The following NBAS variants were observed in gnomAD, a reference collection of about 807,000 sequenced individuals.
NBAS encodes NAG/BC035112 fusion.
NBAS carries 219 observed loss-of-function variants against 302.5 expected under a neutral mutation model. The ratio of observed to expected loss-of-function variants is 0.72; its 90% confidence interval spans 0.65 to 0.81. NBAS has a LOEUF of 0.81. Ranked by LOEUF, NBAS falls within the 30% of genes least tolerant of loss-of-function variation. The probability of loss-of-function intolerance (pLI) is 0.00; values close to 1 mark genes in which losing one functional copy is unlikely to be tolerated. For synonymous variants in NBAS, 1,118 were observed against 1,021.6 expected (o/e 1.09, Z -1.80); for missense variants, 2,932 against 2,841.6 (o/e 1.03, Z -0.72).
At chr2:15,436,342 T>C (rs757027049) in intron 21 of NBAS, among the ~76,000 whole-genome samples, 17 of 152,198 alleles carry the variant, frequency 1.1e-4, no homozygotes, top group Admixed American at 8.5e-4. Flanking sequence ...GAGGGTACTT[T>C]ATACTCCCAG....
chr2:15,098,296 A>ATTATATATTGTATATAATATAT, the NBAS span, among the ~76,000 whole-genome samples: 39 of 9,600 alleles, frequency 4.1e-3, 14 homozygotes, highest in South Asian at 0.031. Flanking sequence ...TATATTATAT[A>ATTATATATTGTATATAATATAT]CAATATATAA....
the NBAS span, among the ~76,000 whole-genome samples, chr2:15,022,164 G>C: frequency 6.6e-6 from 1 of 152,116 alleles, no homozygotes; most frequent in African/African-American, 2.4e-5. Context: ...GGCAGATAAG[G>C]GTGAGGCAGC....
the NBAS span, among the ~76,000 whole-genome samples, chr2:14,793,764 T>C: frequency 6.6e-6 from 1 of 152,046 alleles, no homozygotes; most frequent in Admixed American, 6.6e-5. Context: ...TATACCAAAA[T>C]ATAATTAAAC....
At chr2:15,287,323 A>C in intron 41 of NBAS, 140 bp from the exon 42 acceptor site, 1 of 708,060 alleles carries the variant, frequency 1.4e-6, no homozygotes. Flanking sequence ...GTTCACAGTG[A>C]TCCAGGAAAA....
intron 9 of NBAS, among the ~76,000 whole-genome samples, chr2:15,520,603 C>T (rs1023757108): frequency 7.3e-5 from 11 of 149,802 alleles, no homozygotes; most frequent in South Asian, 6.3e-4. Flanking sequence ...TAACTTATGT[C>T]AGAGCATAAA....
intron 26 of NBAS, among the ~76,000 whole-genome samples, chr2:15,401,139 TA>T (rs371967680): frequency 4.4e-4 from 65 of 146,326 alleles, no homozygotes; most frequent in Non-Finnish European, 4.2e-4. Context: ...CTTTGAAACT[TA>T]AAAAAAAAAA....
the NBAS span, among the ~76,000 whole-genome samples, chr2:14,826,151 G>A: frequency 4.6e-5 from 7 of 152,326 alleles, no homozygotes; most frequent in Non-Finnish European, 1.0e-4. Context: ...TGAGAAACAA[G>A]TTCAGGGCTT....
At chr2:15,084,398 TAAAAAC>T in the NBAS span, among the ~76,000 whole-genome samples, 7 of 152,260 alleles carry the variant, frequency 4.6e-5, no homozygotes, top group African/African-American at 1.4e-4. Context: ...AGAAGTAATG[TAAAAAC>T]AAAAACAAAA....
At chr2:15,409,840 T>C (rs937868684) in intron 25 of NBAS, among the ~76,000 whole-genome samples, 1 of 152,214 alleles carries the variant, frequency 6.6e-6, no homozygotes, top group African/African-American at 2.4e-5. Context: ...ATCAAAGCTT[T>C]ATCTATAAGA....
the NBAS span, among the ~76,000 whole-genome samples, chr2:14,872,750 A>G: frequency 6.6e-6 from 1 of 152,012 alleles, no homozygotes; most frequent in Admixed American, 6.6e-5. Flanking sequence ...GTTACAGTTC[A>G]TAAACGTGGC....
chr2:14,993,734 C>A, the NBAS span, among the ~76,000 whole-genome samples: 1 of 152,204 alleles, frequency 6.6e-6, no homozygotes, highest in African/African-American at 2.4e-5. Context: ...AACTCAAACA[C>A]TCCTAAATTT....
At chr2:15,419,497 A>T (rs1311115594) in intron 23 of NBAS, among the ~76,000 whole-genome samples, 2 of 152,120 alleles carry the variant, frequency 1.3e-5, no homozygotes, top group Non-Finnish European at 2.9e-5. Context: ...GTCATAGCAC[A>T]TTACAGCCTT....
intron 48 of NBAS, among the ~76,000 whole-genome samples, chr2:15,195,688 T>C (rs1665588410): frequency 6.6e-6 from 1 of 152,142 alleles, no homozygotes; most frequent in Non-Finnish European, 1.5e-5. Context: ...AGTCTCCCAA[T>C]AGACAGAAAA....
chr2:14,795,176 TCAAAGTGTTTTC>T, the NBAS span, among the ~76,000 whole-genome samples: 1 of 152,192 alleles, frequency 6.6e-6, no homozygotes, highest in Admixed American at 6.5e-5. Flanking sequence ...AAAAAAATTT[TCAAAGTGTTTTC>T]CAAAGTGTTG....
At chr2:15,485,605 A>C (rs1258538771) in intron 12 of NBAS, among the ~76,000 whole-genome samples, 2 of 152,238 alleles carry the variant, frequency 1.3e-5, no homozygotes, top group African/African-American at 4.8e-5. Flanking sequence ...TAATAAATGT[A>C]GTTAGGGTAA....
At chr2:15,488,466 A>C (rs1459245796) in intron 12 of NBAS, among the ~76,000 whole-genome samples, 1 of 152,208 alleles carries the variant, frequency 6.6e-6, no homozygotes, top group African/African-American at 2.4e-5. Flanking sequence ...TCCACATTTC[A>C]GTGAAGAGAA....
At chr2:14,797,046 C>T in the NBAS span, among the ~76,000 whole-genome samples, 2 of 146,148 alleles carry the variant, frequency 1.4e-5, no homozygotes, top group Admixed American at 6.9e-5. Context: ...GCGCGGACAT[C>T]GTGCCACTCA....
At chr2:15,243,148 TC>T (rs2147959254) in intron 44 of NBAS, among the ~76,000 whole-genome samples, 1 of 152,326 alleles carries the variant, frequency 6.6e-6, no homozygotes, top group South Asian at 2.1e-4. Context: ...CTAACTTGTC[TC>T]CCAGTGTGAC....
intron 23 of NBAS, among the ~76,000 whole-genome samples, chr2:15,420,424 A>G (rs1677156360): frequency 6.6e-6 from 1 of 152,182 alleles, no homozygotes; most frequent in African/African-American, 2.4e-5. Context: ...CAGAGTGGCT[A>G]TTTCTGAGCT....
Sources: allele counts gnomAD v4.1 joint callset (sites outside exome capture counted in the v4.1 genomes callset), GRCh38; gene constraint gnomAD v4.1.1; transcripts MANE v1.5; gene names NCBI Gene and HGNC (gene_info 2026-07-23, HGNC 2026-07-21).